Variants in HS3ST3A1 observed in about 807,000 individuals in gnomAD.
The protein encoded by HS3ST3A1 is heparan sulfate glucosamine 3-O-sulfotransferase 3A1.
A neutral mutation model predicts 25.7 loss-of-function variants in HS3ST3A1; 19 were observed. That is an observed-to-expected ratio of 0.74 (90% CI 0.52 to 1.08). The LOEUF is 1.08. Ranked by LOEUF, HS3ST3A1 falls within the 50% of genes least tolerant of loss-of-function variation. The probability of loss-of-function intolerance (pLI) is 0.00; values close to 1 mark genes in which losing one functional copy is unlikely to be tolerated. For synonymous variants in HS3ST3A1, 226 were observed against 278.6 expected, an observed-to-expected ratio of 0.81 and a Z score of 1.88; for missense variants, 459 against 594.3, an observed-to-expected ratio of 0.77 and a Z score of 2.37.
chr17:13,599,712 A>G (rs1908668593), intron 1 of HS3ST3A1, among the ~76,000 whole-genome samples: 1 of 152,216 alleles, frequency 6.6e-6, no homozygotes, highest in Non-Finnish European at 1.5e-5. Flanking sequence ...TAAGATTAAG[A>G]TCTAAGCCAG....
At chr17:13,511,107 A>G (rs971001612) in intron 1 of HS3ST3A1, among the ~76,000 whole-genome samples, 1 of 152,206 alleles carries the variant, frequency 6.6e-6, no homozygotes, top group African/African-American at 2.4e-5. Context: ...CATCCATCCA[A>G]TAGGGACACA....
chr17:13,546,051 G>T (rs891071856), intron 1 of HS3ST3A1, among the ~76,000 whole-genome samples: 4 of 152,076 alleles, frequency 2.6e-5, no homozygotes, highest in African/African-American at 9.7e-5. Flanking sequence ...GTTTGAGAGA[G>T]AGAGTGCGTA....
chr17:13,517,684 C>A (rs1906099846), intron 1 of HS3ST3A1, among the ~76,000 whole-genome samples: 1 of 152,104 alleles, frequency 6.6e-6, no homozygotes, highest in African/African-American at 2.4e-5. Context: ...GGGAGTCTCA[C>A]TCTGTCGCCG....
At chr17:13,497,527 C>G (rs149622285) in intron 1 of HS3ST3A1, among the ~76,000 whole-genome samples, 1 of 152,122 alleles carries the variant, frequency 6.6e-6, no homozygotes, top group Admixed American at 6.5e-5. Context: ...GATTCTGGTC[C>G]GTTTATTCCT....
At chr17:13,546,322 G>A (rs1295105008) in intron 1 of HS3ST3A1, among the ~76,000 whole-genome samples, 1 of 152,010 alleles carries the variant, frequency 6.6e-6, no homozygotes, top group East Asian at 1.9e-4. Flanking sequence ...CTGGAGTGCA[G>A]CGGCGTGATC....
chr17:13,600,047 TC>T (rs1908677096), intron 1 of HS3ST3A1, among the ~76,000 whole-genome samples: 1 of 152,112 alleles, frequency 6.6e-6, no homozygotes, highest in Non-Finnish European at 1.5e-5. Context: ...CTATATTACT[TC>T]CCACCTAGGA....
chr17:13,511,384 G>T (rs903012901), intron 1 of HS3ST3A1, among the ~76,000 whole-genome samples: 4 of 152,162 alleles, frequency 2.6e-5, no homozygotes, highest in Middle Eastern at 3.4e-3. Context: ...GGAAGGATTT[G>T]GGTGAGGGAA....
At position 13,600,706 on chromosome 17, in the gene HS3ST3A1, C is replaced by G. The variant is rs1908701944; in HGVS notation, c.424G>C (p.Ala142Pro). 3.8e-6 allele frequency: 6 copies of G among 1,565,262 alleles called. No individual in the cohort carries two copies. The highest frequency in any genetic ancestry group is 5.2e-6 in the Non-Finnish European group (6 of 1,163,020). The change falls in exon 1 of 2, where the codon GCG becomes CCG. Residue 142 changes from alanine to proline, a missense_variant. This residue lies in a region of HS3ST3A1 where 346 missense variants were observed against 303.9 expected (regional missense o/e 1.14). Transcript: ENST00000284110. ...TVAEAPPGTL[A>P]LLLDEGSKQL... Reference sequence around the variant, plus strand: ...TTGCTGCCTTCGTCCAGGAGCAGCGCCAGGGTCCCCGGCGGGGCCTCGGCC... The same window carrying G: ...TTGCTGCCTTCGTCCAGGAGCAGCGGCAGGGTCCCCGGCGGGGCCTCGGCC...
At chr17:13,580,134 A>G (rs1444065224) in intron 1 of HS3ST3A1, among the ~76,000 whole-genome samples, 2 of 152,144 alleles carry the variant, frequency 1.3e-5, no homozygotes, top group East Asian at 1.9e-4. Context: ...CAACACACGC[A>G]TTCTTCAAAT....
At chr17:13,538,661 T>C (rs984762004) in intron 1 of HS3ST3A1, among the ~76,000 whole-genome samples, 1 of 152,004 alleles carries the variant, frequency 6.6e-6, no homozygotes, top group Non-Finnish European at 1.5e-5. Context: ...AACCACATCA[T>C]CTGCTTGGAA....
At chr17:13,513,618 C>T (rs1905952855) in intron 1 of HS3ST3A1, among the ~76,000 whole-genome samples, 1 of 152,208 alleles carries the variant, frequency 6.6e-6, no homozygotes, top group Admixed American at 6.5e-5. Context: ...CTATTCTAAA[C>T]TGCCTTTTGC....
intron 1 of HS3ST3A1, among the ~76,000 whole-genome samples, chr17:13,515,414 C>T (rs1312008367): frequency 6.6e-6 from 1 of 151,692 alleles, no homozygotes; most frequent in Non-Finnish European, 1.5e-5. Flanking sequence ...CCTGCCTTCG[C>T]CTCCCAAAGT....
chr17:13,595,845 TGG>T (rs67489373), intron 1 of HS3ST3A1, among the ~76,000 whole-genome samples: 80,660 of 134,980 alleles, frequency 0.6, 21,684 homozygotes, highest in East Asian at 0.64. Flanking sequence ...GAGGCCTTTT[TGG>T]TTGTTGTTGT....
At chr17:13,506,354 G>A (rs1465872647) in intron 1 of HS3ST3A1, among the ~76,000 whole-genome samples, 1 of 152,112 alleles carries the variant, frequency 6.6e-6, no homozygotes, top group Non-Finnish European at 1.5e-5. Context: ...AATGTCTGTA[G>A]GACTTTCCAC....
At chr17:13,502,466 G>A (rs1567608316) in intron 1 of HS3ST3A1, among the ~76,000 whole-genome samples, 2 of 152,072 alleles carry the variant, frequency 1.3e-5, no homozygotes, top group Non-Finnish European at 2.9e-5. Context: ...TATGCATGGT[G>A]CATCCGATAT....
intron 1 of HS3ST3A1, among the ~76,000 whole-genome samples, chr17:13,563,236 C>T (rs573016361): frequency 6.6e-6 from 1 of 151,942 alleles, no homozygotes; most frequent in East Asian, 1.9e-4. Flanking sequence ...GGTAGAACCA[C>T]ATCATCAATT....
chr17:13,538,545 C>T (rs1906835450), intron 1 of HS3ST3A1, among the ~76,000 whole-genome samples: 1 of 152,134 alleles, frequency 6.6e-6, no homozygotes, highest in Admixed American at 6.6e-5. Context: ...TCCATGTCTT[C>T]TTCTGTAATG....
At position 13,601,567 on chromosome 17, in the gene HS3ST3A1, T is replaced by G. The variant is rs3744335; in HGVS notation, c.-438A>C. 40,216 of 160,150 alleles carry G rather than the reference T, an allele frequency of 0.25. 5,244 individuals carry two copies. The highest frequency in any genetic ancestry group is 0.31 in the African/African-American group (12,814 of 41,750). 9.9% of individuals were successfully genotyped at this position (160,150 alleles called of 1,614,324 possible). On this transcript the variant is annotated 5_prime_UTR_variant, in exon 1 of 2. Transcript: ENST00000284110. The stretch of plus-strand genomic sequence containing the variant: ...TCCTGCATCACTGGCTCGGTCCCCG[T>G]GAGGGCACGCGCGGCTGCCGGGCCT...
chr17:13,504,298 C>T (rs888062380), intron 1 of HS3ST3A1, among the ~76,000 whole-genome samples: 2 of 152,084 alleles, frequency 1.3e-5, no homozygotes, highest in Non-Finnish European at 2.9e-5. Context: ...GTCTGGGCGA[C>T]AGAGCGAGAC....
Sources: gnomAD v4.1 joint callset for allele counts (sites outside exome capture counted in the v4.1 genomes callset) on GRCh38, gnomAD v4.1.1 for gene constraint, gnomAD v4.1.1 regional missense constraint, MANE v1.5 for transcripts, NCBI Gene and HGNC (gene_info 2026-07-23, HGNC 2026-07-21) for gene names.